SLC38A9: variants seen among roughly 807,000 people sequenced by gnomAD.
SLC38A9 encodes the protein neutral amino acid transporter 9.
A neutral mutation model predicts 62.3 loss-of-function variants in SLC38A9; 48 were observed. The observed-to-expected ratio is 0.77, with a 90% confidence interval of 0.61 to 0.98. The LOEUF (loss-of-function observed/expected upper bound fraction) is 0.98. Ranked by LOEUF, SLC38A9 falls within the 50% of genes least tolerant of loss-of-function variation. The pLI, the probability that SLC38A9 is intolerant of heterozygous loss-of-function variation, is 0.00. For missense variants in SLC38A9, 541 were observed against 679.8 expected, an observed-to-expected ratio of 0.80 and a Z score of 2.27; for synonymous variants, 204 against 227.7, an observed-to-expected ratio of 0.90 and a Z score of 0.94.
intron 2 of SLC38A9, among the ~76,000 whole-genome samples, chr5:55,698,918 T>A (rs1430871909): frequency 6.7e-6 from 1 of 150,084 alleles, no homozygotes; most frequent in Non-Finnish European, 1.5e-5. Flanking sequence ...GCCACCTGGA[T>A]GATGGAGTGA....
chr5:55,677,510 T>G (rs1752272457), intron 3 of SLC38A9, among the ~76,000 whole-genome samples: 1 of 152,082 alleles, frequency 6.6e-6, no homozygotes, highest in Non-Finnish European at 1.5e-5. Flanking sequence ...CTTCACTCTG[T>G]ACAGAAGCTA....
intron 2 of SLC38A9, among the ~76,000 whole-genome samples, chr5:55,700,562 T>A (rs1010723457): frequency 6.6e-6 from 1 of 151,630 alleles, no homozygotes; most frequent in Non-Finnish European, 1.5e-5. Flanking sequence ...AAAAAATAAC[T>A]GAACTAAAGG....
chr5:55,704,902 A>T (rs2150705788), intron 2 of SLC38A9, among the ~76,000 whole-genome samples: 1 of 152,328 alleles, frequency 6.6e-6, no homozygotes, highest in Non-Finnish European at 1.5e-5. Context: ...TTTGGAGATA[A>T]TAAAAATACT....
intron 12 of SLC38A9, among the ~76,000 whole-genome samples, chr5:55,636,557 A>C (rs918381123): frequency 2.6e-5 from 4 of 152,244 alleles, no homozygotes; most frequent in Admixed American, 2.0e-4. Context: ...AACAAATTAG[A>C]AAAAAATAAA....
At chr5:55,661,750 A>G (rs1270242351) in intron 8 of SLC38A9, among the ~76,000 whole-genome samples, 3 of 152,198 alleles carry the variant, frequency 2.0e-5, no homozygotes, top group Non-Finnish European at 2.9e-5. Context: ...ATAAAAAGAG[A>G]AGACAAGCCA....
chr5:55,686,946 G>A (rs1753909852), intron 3 of SLC38A9, among the ~76,000 whole-genome samples: 1 of 151,986 alleles, frequency 6.6e-6, no homozygotes, highest in Admixed American at 6.6e-5. Context: ...TCTTATTTCT[G>A]GGTTCTCTAT....
intron 9 of SLC38A9, 52 bp from the exon 10 acceptor site, chr5:55,652,775 C>T: frequency 9.0e-7 from 1 of 1,107,356 alleles, no homozygotes; most frequent in South Asian, 1.8e-5. Flanking sequence ...CAAAACAAAA[C>T]AAAACAAAAA....
intron 11 of SLC38A9, among the ~76,000 whole-genome samples, chr5:55,646,308 T>C (rs1207988664): frequency 6.6e-6 from 1 of 151,454 alleles, no homozygotes; most frequent in Non-Finnish European, 1.5e-5. Flanking sequence ...AAGGCAGAGG[T>C]TGTAGTAAGC....
At chr5:55,691,278 G>C in intron 3 of SLC38A9, 3 of 1,436,538 alleles carry the variant, frequency 2.1e-6, no homozygotes, top group Non-Finnish European at 2.8e-6. Flanking sequence ...ATAATACCAA[G>C]CTGACAACAG....
intron 14 of SLC38A9, 41 bp from the exon 15 acceptor site, chr5:55,628,021 A>G (rs761817908): frequency 7.5e-7 from 1 of 1,325,424 alleles, no homozygotes; most frequent in Non-Finnish European, 1.1e-6. Context: ...GAAAAAATAT[A>G]AAAATAGGCA....
At chr5:55,702,262 ATTT>A (rs11316419) in intron 2 of SLC38A9, among the ~76,000 whole-genome samples, 2 of 147,554 alleles carry the variant, frequency 1.4e-5, no homozygotes. Context: ...TTTAGCATTA[ATTT>A]TTTTTTTTTT....
intron 8 of SLC38A9, among the ~76,000 whole-genome samples, chr5:55,659,378 G>GTTTT (rs35686566): frequency 2.2e-4 from 28 of 125,618 alleles, no homozygotes; most frequent in South Asian, 2.7e-4. Flanking sequence ...AACTGGAAAG[G>GTTTT]TTTTTTTTTT....
At chr5:55,634,213 C>A in intron 13 of SLC38A9, 1 of 194,268 alleles carries the variant, frequency 5.1e-6, no homozygotes. Flanking sequence ...ACAGATAGAT[C>A]GAGAAAGCAT....
At chr5:55,652,213 C>T (rs1355304276) in intron 10 of SLC38A9, among the ~76,000 whole-genome samples, 1 of 151,442 alleles carries the variant, frequency 6.6e-6, no homozygotes, top group Non-Finnish European at 1.5e-5. Context: ...ACAAAATTAG[C>T]TGGGTGTGGT....
chr5:55,710,357 A>T (rs1303986324), intron 2 of SLC38A9, among the ~76,000 whole-genome samples: 31 of 151,390 alleles, frequency 2.0e-4, no homozygotes, highest in Non-Finnish European at 1.5e-5. Context: ...TGAGACGCAT[A>T]CCACCACACC....
At chr5:55,647,112 T>C (rs559760076) in intron 11 of SLC38A9, among the ~76,000 whole-genome samples, 156 of 152,254 alleles carry the variant, frequency 1.0e-3, no homozygotes, top group Non-Finnish European at 1.9e-3. Flanking sequence ...AAAAGACTGG[T>C]GAGGGGGTAT....
chr5:55,694,877 C>T (rs1755262245), intron 3 of SLC38A9, among the ~76,000 whole-genome samples: 1 of 152,058 alleles, frequency 6.6e-6, no homozygotes, highest in South Asian at 2.1e-4. Flanking sequence ...CTCAGTCTCC[C>T]AAATAGCTGG....
chr5:55,687,358 C>T (rs1315104369), intron 3 of SLC38A9, among the ~76,000 whole-genome samples: 2 of 125,930 alleles, frequency 1.6e-5, no homozygotes, highest in South Asian at 5.2e-4. Flanking sequence ...ACCCGGAAGG[C>T]GGAGCTTGCA....
At chr5:55,670,155 CG>C (rs1028019837) in intron 4 of SLC38A9, among the ~76,000 whole-genome samples, 1 of 150,810 alleles carries the variant, frequency 6.6e-6, no homozygotes, top group African/African-American at 2.4e-5. Context: ...TTTGTAGAGA[CG>C]GGGTTTCACC....
Sources: allele counts gnomAD v4.1 joint callset (sites outside exome capture counted in the v4.1 genomes callset), GRCh38; gene constraint gnomAD v4.1.1; transcripts MANE v1.5; gene names NCBI Gene and HGNC (gene_info 2026-07-23, HGNC 2026-07-21).